The following FMNL1 variants were observed in gnomAD, a reference collection of about 807,000 sequenced individuals.
The protein encoded by FMNL1 is formin-like protein 1.
In FMNL1, 43 loss-of-function variants were observed where a neutral mutation model predicts 121.3. The ratio of observed to expected loss-of-function variants is 0.35; its 90% CI spans 0.28 to 0.46. The LOEUF (loss-of-function observed/expected upper bound fraction) is 0.46. FMNL1 is among the 20% of genes least tolerant of loss of function. FMNL1 has a pLI of 1.00. For missense variants in FMNL1, 1,191 were observed against 1,482.4 expected (o/e 0.80, Z 3.23); for synonymous variants, 613 against 613.5 (o/e 1.00, Z 0.01).
intron 1 of FMNL1, among the ~76,000 whole-genome samples, chr17:45,223,702 A>G (rs1169289128): frequency 6.6e-6 from 1 of 151,912 alleles, no homozygotes; most frequent in Non-Finnish European, 1.5e-5. Context: ...CCATCTGGAG[A>G]GCCTGCATTG....
In FMNL1 at chr17:45,246,250, C is replaced by T. The variant is rs768810674; in HGVS notation, c.3131C>T (p.Ser1044Phe). The part of the protein sequence containing the change: ...KARRPQMDLI[S>F]ELKRRQQKEP... ...CGGCGGCCACAGATGGACCTCATCT[C>T]TGAGCTGAAACGGAGGCAGCAGAAG... is the stretch of plus-strand genomic sequence containing the variant. The change falls in exon 25 of 27, where the codon TCT becomes TTT. Residue 1044 changes from serine (S) to phenylalanine (F), a missense_variant. Transcript: ENST00000331495. 1.2e-6 allele frequency: 2 copies of T among 1,613,822 alleles called. No homozygotes were observed. Among genetic ancestry groups the T allele is most frequent in the Non-Finnish European group, 1.7e-6 (2 of 1,179,860 alleles).
rs375380299 is a variant in FMNL1, at chr17:45,233,700, G to A, written c.454G>A (p.Glu152Lys). ...EENRGLDVLL[E>K]YLAFAQCSVT... ...GAACCGTGGCCTGGATGTGCTGCTC[G>A]AGTACCTGGCCTTTGCCCAGTGCTC... Residue 152 changes from glutamate to lysine, a missense_variant, in exon 5 of 27, where the codon GAG becomes AAG. Coordinates refer to ENST00000331495, the MANE Select transcript of FMNL1 (RefSeq NM_005892.4). This position sits in a 1 kb window ranked among gnomAD's most constrained non-coding sequence, Gnocchi z 4.1. 4 of 1,613,874 alleles carry A rather than the reference G, an allele frequency of 2.5e-6. No individual in the cohort carries two copies. The highest frequency in any genetic ancestry group is 1.6e-4 in the Middle Eastern group (1 of 6,084).
At chr17:45,238,506 G>GA (rs2043600272) in intron 9 of FMNL1, 58 bp from the exon 10 acceptor site, 15 of 1,586,070 alleles carry the variant, frequency 9.5e-6, no homozygotes, top group Non-Finnish European at 1.1e-5. Flanking sequence ...GTGGCAGCCA[G>GA]AAGGTAGCTT....
intron 19 of FMNL1, 143 bp from the exon 20 acceptor site, chr17:45,244,676 A>C (rs2043788621): frequency 6.1e-6 from 5 of 813,396 alleles, no homozygotes; most frequent in Non-Finnish European, 9.9e-6. Flanking sequence ...TGTGCTGTGG[A>C]TCTGAGGGGC....
chr17:45,232,128 C>G lies in FMNL1; in HGVS notation c.214-239C>G, dbSNP rs373606980. Among the ~76,000 whole-genome samples, 155 of 152,018 alleles carry G rather than the reference C, an allele frequency of 1.0e-3. 1 individual carries two copies. The highest frequency in any genetic ancestry group is 4.3e-4 in the Non-Finnish European group (29 of 67,962). On this transcript the variant is annotated intron_variant, in intron 2 of 26. Coordinates refer to ENST00000331495, the MANE Select transcript of FMNL1 (RefSeq NM_005892.4). ...GTAGGAGGCTCCAGTGAACTATGTT[C>G]GTGCCACAGCACTCCAGCCTGGGCC... is the stretch of plus-strand genomic sequence containing the variant.
chr17:45,233,163 C>T lies in FMNL1; in HGVS notation c.328-61C>T. ...GGCGCTGCTGCCTGCTGCCTCAGGA[C>T]TTGGTGGGCCTGTGGGAGGCCGGGC... is the stretch of plus-strand genomic sequence containing the variant. On this transcript the variant is annotated intron_variant, in intron 3 of 26. Coordinates refer to ENST00000331495, the MANE Select transcript of FMNL1 (RefSeq NM_005892.4). This position sits in a 1 kb window ranked among gnomAD's most constrained non-coding sequence, Gnocchi z 4.1. 1 of 1,526,868 alleles carries T rather than the reference C, an allele frequency of 6.5e-7. No homozygotes were observed. Among genetic ancestry groups the T allele is most frequent in the Non-Finnish European group, 8.9e-7 (1 of 1,125,142 alleles). The allele number at this position is 1,526,868 out of a possible 1,614,324, so 94.6% of individuals were successfully genotyped here.
Position 45,222,051 on chromosome 17 carries a change from G to A in FMNL1, c.-74G>A. ...GCCCCCTCGCCCCCGCCCGGGCCGG[G>A]AGCCTCGTCCCCGTCCCCCGGAAAG... is the stretch of plus-strand genomic sequence containing the variant. On this transcript the variant is annotated 5_prime_UTR_variant, in exon 1 of 27. Coordinates refer to ENST00000331495, the MANE Select transcript of FMNL1 (RefSeq NM_005892.4). The A allele has an allele frequency of 9.0e-7, 1 of 1,114,094 alleles. No individual in the cohort carries two copies. The highest frequency in any genetic ancestry group is 1.1e-6 in the Non-Finnish European group (1 of 909,492). The allele number at this position is 1,114,094 out of a possible 1,614,324, so 69.0% of individuals were successfully genotyped here.
rs1415727757 is a variant in FMNL1 at position 45,246,595 on chromosome 17, A to G, written c.3302A>G (p.Ter1101TrpextTer55). The G allele has an allele frequency of 1.3e-6, 2 of 1,598,330 alleles. No individual in the cohort carries two copies. The highest frequency in any genetic ancestry group is 1.3e-5 in the African/African-American group (1 of 74,480). The change falls in exon 26 of 27, where the codon TAG (stop) becomes TGG (tryptophan). Residue 1101 changes from the stop codon to tryptophan (W), a stop_lost. Coordinates refer to ENST00000331495, the MANE Select transcript of FMNL1 (RefSeq NM_005892.4). ...EASLGEEMPL* is the reference protein window; with the variant it reads ...EASLGEEMPLW ...AGCCTGGGAGAAGAGATGCCCCTCT[A>G]GCCCCTCAGGTACCCAGATGACCTG... is the stretch of plus-strand genomic sequence containing the variant.
chr17:45,244,013 G>T lies in FMNL1; in HGVS notation c.2436G>T (p.Gln812His), dbSNP rs142695981. 1.9e-6 allele frequency: 3 copies of T among 1,609,436 alleles called. No homozygotes were observed. The highest frequency in any genetic ancestry group is 2.5e-6 in the Non-Finnish European group (3 of 1,178,620). Residue 812 changes from glutamine (Q) to histidine (H), a missense_variant, in exon 18 of 27, where the codon CAG (glutamine) becomes CAT (histidine). By Grantham distance (24) the Gln-to-His change is conservative. Around this residue, in one of 4 missense-constraint regions of FMNL1, gnomAD observed 367 missense variants for 528.6 expected, o/e 0.69. Transcript: ENST00000331495. ...TGGGCAACTTCCCGGACACAGCCCA[G>T]CTGCTCATGCCGGTGTGGGCGGAGC... is the stretch of plus-strand genomic sequence containing the variant. ...TFLGNFPDTA[Q>H]LLMPQLNAII...
rs1409606824 is a variant in FMNL1, at chr17:45,241,475, C to T, written c.1426C>T (p.Leu476=). 1 of 1,574,516 alleles carries T rather than the reference C, an allele frequency of 6.4e-7. No individual in the cohort carries two copies. The highest frequency in any genetic ancestry group is 8.6e-7 in the Non-Finnish European group (1 of 1,160,744). Residue 476 remains leucine (L), a synonymous_variant, in exon 14 of 27, where the codon CTG becomes TTG. Coordinates refer to ENST00000331495, the MANE Select transcript of FMNL1 (RefSeq NM_005892.4). This position sits in a 1 kb window ranked among gnomAD's most constrained non-coding sequence, Gnocchi z 7.0. ...CGCTGCCCCGACGCGGCCCTCGGCC[C>T]TGGAGCTGAAGGTGGAGGAGCTGGA... The part of the protein sequence containing the change: ...PPAAPTRPSA[L]ELKVEELEEK...
chr17:45,243,467 T>G, intron 17 of FMNL1, 147 bp downstream of exon 17: 1 of 1,017,938 alleles, frequency 9.8e-7, no homozygotes, highest in Non-Finnish European at 1.4e-6. Flanking sequence ...GTCCCCATTT[T>G]AAGGTGGAGA....
chr17:45,230,557 C>A (rs1197391671), intron 1 of FMNL1, 47 bp from the exon 2 acceptor site: 2 of 1,604,682 alleles, frequency 1.2e-6, no homozygotes, highest in East Asian at 2.2e-5. Context: ...CCCCTCTCCC[C>A]TTGTTGGGGC....
At position 45,233,222 on chromosome 17, in the gene FMNL1, A is replaced by G; in HGVS notation, c.328-2A>G. On this transcript the variant is annotated splice_acceptor_variant, in intron 3 of 26. Transcript: ENST00000331495. LOFTEE classifies it high-confidence loss of function. The surrounding 1 kb of genome is among the most constrained non-coding windows in gnomAD (Gnocchi z 4.1). ...CCAGCCTTCCCTGTTCTCGGTCCCCAGTTTAAGAGGCGAGTTCAGGAGTCC... is the reference window on the plus strand; with the variant it reads ...CCAGCCTTCCCTGTTCTCGGTCCCCGGTTTAAGAGGCGAGTTCAGGAGTCC... 1 of 1,555,306 alleles carries G rather than the reference A, an allele frequency of 6.4e-7. No individual in the cohort carries two copies. Among genetic ancestry groups the G allele is most frequent in the Non-Finnish European group, 8.7e-7 (1 of 1,149,172 alleles).
intron 26 of FMNL1, 122 bp downstream of exon 26, chr17:45,246,726 A>G: frequency 9.7e-7 from 1 of 1,034,452 alleles, no homozygotes; most frequent in East Asian, 2.6e-5. Flanking sequence ...TGTGGGGTGG[A>G]GGGGTCTGGC....
Position 45,237,209 on chromosome 17 carries a change from A to T in FMNL1, c.724-72A>T, listed in dbSNP as rs935406211. The T allele has an allele frequency of 2.1e-6, 3 of 1,434,236 alleles. No homozygotes were observed. The Admixed American group carries it at 5.2e-5, about 25-fold the overall frequency. 88.8% of individuals were successfully genotyped at this position (1,434,236 alleles called of 1,614,324 possible). ...TTCCTAAACTCGAGGGCAGTTAAAGATCCACGTGGCGTGGGTGCCTGAAGT... is the reference window on the plus strand; with the variant it reads ...TTCCTAAACTCGAGGGCAGTTAAAGTTCCACGTGGCGTGGGTGCCTGAAGT... On this transcript the variant is annotated intron_variant, in intron 7 of 26. Coordinates refer to ENST00000331495, the MANE Select transcript of FMNL1 (RefSeq NM_005892.4). This position sits in a 1 kb window ranked among gnomAD's most constrained non-coding sequence, Gnocchi z 4.4.
intron 15 of FMNL1, 31 bp downstream of exon 15, chr17:45,242,177 G>A: frequency 6.5e-7 from 1 of 1,528,882 alleles, no homozygotes; most frequent in South Asian, 1.2e-5. Flanking sequence ...TGGGCCCGGG[G>A]CTGGGGGGAG....
At chr17:45,232,760 T>C (rs550051130) in intron 3 of FMNL1, 4 of 585,976 alleles carry the variant, frequency 6.8e-6, no homozygotes, top group Non-Finnish European at 1.3e-5. Context: ...CATACATAGG[T>C]GTGTGTGTAT....
intron 23 of FMNL1, 37 bp from the exon 24 acceptor site, chr17:45,245,841 G>T: frequency 6.2e-7 from 1 of 1,600,312 alleles, no homozygotes. Flanking sequence ...AGGGCAGTAG[G>T]GAGGGCCACC....
intron 1 of FMNL1, among the ~76,000 whole-genome samples, chr17:45,225,591 C>G (rs1345013914): frequency 2.0e-5 from 3 of 152,190 alleles, no homozygotes; most frequent in Non-Finnish European, 4.4e-5. Flanking sequence ...CTGGGGCTGA[C>G]TGGCAGAGAG....
Sources: gnomAD v4.1 joint callset for allele counts (sites outside exome capture counted in the v4.1 genomes callset) on GRCh38, gnomAD v4.1.1 for gene constraint, gnomAD v4.1.1 regional missense constraint, Gnocchi (gnomAD v3.1) non-coding constraint, MANE v1.5 for transcripts, NCBI Gene and HGNC (gene_info 2026-07-23, HGNC 2026-07-21) for gene names.